Variants in IGF2BP2 observed in about 807,000 individuals in gnomAD.
The protein encoded by IGF2BP2 is insulin like growth factor 2 mRNA binding protein 2.
In IGF2BP2, 17 loss-of-function variants were observed where a neutral mutation model predicts 75.8. The ratio of observed to expected loss-of-function variants is 0.22; its 90% CI spans 0.15 to 0.34. The LOEUF (loss-of-function observed/expected upper bound fraction) is 0.34. IGF2BP2 is among the 10% of genes least tolerant of loss of function. The pLI is 1.00. For synonymous variants in IGF2BP2, 288 were observed against 295.6 expected, an observed-to-expected ratio of 0.97 and a Z score of 0.26; for missense variants, 516 against 772.4, an observed-to-expected ratio of 0.67 and a Z score of 3.93.
At position 185,697,783 on chromosome 3, in the gene IGF2BP2, G is replaced by A. The variant is rs539480631; in HGVS notation, c.288+516C>T. 1.6e-4 allele frequency among the ~76,000 whole-genome samples: 24 copies of A among 152,128 alleles called. No homozygotes were observed. The South Asian group carries it at 3.7e-3, about 24-fold the overall frequency. Reference sequence around the variant, plus strand: ...GTGGATTGCTTGAACCTAAGAGTTCGAGGCCAGCCTGGACAACATAGCAAA... The same window carrying A: ...GTGGATTGCTTGAACCTAAGAGTTCAAGGCCAGCCTGGACAACATAGCAAA... On this transcript the variant is annotated intron_variant, in intron 3 of 15. Coordinates refer to ENST00000382199, the MANE Select transcript of IGF2BP2 (RefSeq NM_006548.6).
At chr3:185,658,435 G>T in intron 10 of IGF2BP2, 26 bp from the exon 11 acceptor site, 1 of 1,604,354 alleles carries the variant, frequency 6.2e-7, no homozygotes, top group Non-Finnish European at 8.5e-7. Context: ...AAGAGTCAGT[G>T]GGCGGGTGCT....
chr3:185,701,384 G>C (rs1011074070), intron 2 of IGF2BP2, among the ~76,000 whole-genome samples: 3 of 124,530 alleles, frequency 2.4e-5, no homozygotes, highest in Admixed American at 7.8e-5. Flanking sequence ...AAAAAAAAAA[G>C]AAAGAAAGAA....
At chr3:185,735,737 C>G (rs1317480721) in intron 2 of IGF2BP2, among the ~76,000 whole-genome samples, 2 of 152,192 alleles carry the variant, frequency 1.3e-5, no homozygotes, top group East Asian at 3.8e-4. Flanking sequence ...ATCTCCTAAT[C>G]CCACATCCAT....
chr3:185,778,997 C>T (rs796872500), intron 2 of IGF2BP2, among the ~76,000 whole-genome samples: 51 of 152,182 alleles, frequency 3.4e-4, no homozygotes, highest in African/African-American at 1.2e-3. Flanking sequence ...ATGGTGTATG[C>T]CGCTCTATGG....
At chr3:185,770,490 C>T (rs1578246789) in intron 2 of IGF2BP2, among the ~76,000 whole-genome samples, 1 of 152,286 alleles carries the variant, frequency 6.6e-6, no homozygotes, top group African/African-American at 2.4e-5. Flanking sequence ...TTGGTTATGA[C>T]CCCATAGGCC....
At position 185,643,779 on chromosome 3, in the gene IGF2BP2, C is replaced by CTTTTTTTTTTTTTTTTTTTTTTTT. The variant is rs933340628; in HGVS notation, c.*1751_*1752insAAAAAAAAAAAAAAAAAAAAAAAA. 3.6e-5 allele frequency: 4 copies of CTTTTTTTTTTTTTTTTTTTTTTTT among 111,968 alleles called. No homozygotes were observed. Among genetic ancestry groups the CTTTTTTTTTTTTTTTTTTTTTTTT allele is most frequent in the Non-Finnish European group, 5.3e-5 (3 of 56,612 alleles). 6.9% of individuals were successfully genotyped at this position (111,968 alleles called of 1,614,324 possible). ...ATATTTCTGTTTTTTCTTTTTTTTTCTTTTTTTTTTTTTTTTTTTTGTCAC... is the reference window on the plus strand; with the variant it reads ...ATATTTCTGTTTTTTCTTTTTTTTTCTTTTTTTTTTTTTTTTTTTTTTTTTTTTTTTTTTTTTTTTTTTTGTCAC... On this transcript the variant is annotated 3_prime_UTR_variant, in exon 16 of 16. Coordinates refer to ENST00000382199, the MANE Select transcript of IGF2BP2 (RefSeq NM_006548.6).
rs1361485357 is a variant in IGF2BP2 at position 185,659,226 on chromosome 3, T to C, written c.1201-817A>G. On this transcript the variant is annotated intron_variant, in intron 10 of 15. Transcript: ENST00000382199. Reference sequence around the variant, plus strand: ...GCGACAGAGCAAGGCCCTGTCTCCATAAGAAAAAAAAAAGAGAGAGAGTGA... The same window carrying C: ...GCGACAGAGCAAGGCCCTGTCTCCACAAGAAAAAAAAAAGAGAGAGAGTGA... Among the ~76,000 whole-genome samples, 5 of 136,610 alleles carry C rather than the reference T, an allele frequency of 3.7e-5. No individual in the cohort carries two copies. The East Asian group carries it at 1.1e-3, about 29-fold the overall frequency. The allele number at this position is 136,610 out of a possible 152,430, so 89.6% of individuals were successfully genotyped here.
At chr3:185,800,573 C>T (rs1738076271) in intron 2 of IGF2BP2, among the ~76,000 whole-genome samples, 1 of 151,936 alleles carries the variant, frequency 6.6e-6, no homozygotes, top group South Asian at 2.1e-4. Flanking sequence ...CCCATCTTTA[C>T]CAAAAATACA....
At chr3:185,764,812 C>T (rs1732831121) in intron 2 of IGF2BP2, among the ~76,000 whole-genome samples, 1 of 152,160 alleles carries the variant, frequency 6.6e-6, no homozygotes, top group Admixed American at 6.5e-5. Context: ...GTGTCAAAAT[C>T]CCCTGACAGG....
chr3:185,760,681 A>G (rs952711078), intron 2 of IGF2BP2, among the ~76,000 whole-genome samples: 1 of 152,278 alleles, frequency 6.6e-6, no homozygotes, highest in East Asian at 1.9e-4. Flanking sequence ...TCCAACCCCC[A>G]GGTAAGGCAG....
intron 2 of IGF2BP2, among the ~76,000 whole-genome samples, chr3:185,822,939 A>G (rs1410151618): frequency 1.3e-5 from 2 of 152,022 alleles, no homozygotes; most frequent in Admixed American, 6.6e-5. Context: ...CCGACCCCCA[A>G]TTAGGCACCA....
At chr3:185,755,604 A>G (rs1340243710) in intron 2 of IGF2BP2, among the ~76,000 whole-genome samples, 1 of 152,218 alleles carries the variant, frequency 6.6e-6, no homozygotes, top group Non-Finnish European at 1.5e-5. Flanking sequence ...GGAAGCCACG[A>G]GGGCAGGGCT....
At chr3:185,700,616 T>G (rs1723158754) in intron 2 of IGF2BP2, among the ~76,000 whole-genome samples, 1 of 152,184 alleles carries the variant, frequency 6.6e-6, no homozygotes, top group Non-Finnish European at 1.5e-5. Context: ...ATCAGAATTC[T>G]CAAGAAAATA....
intron 2 of IGF2BP2, among the ~76,000 whole-genome samples, chr3:185,740,418 AC>A (rs1729393764): frequency 6.6e-6 from 1 of 152,296 alleles, no homozygotes; most frequent in East Asian, 1.9e-4. Flanking sequence ...TCTAATACAG[AC>A]CAGTACTATT....
intron 9 of IGF2BP2, chr3:185,675,004 CTTTT>C (rs1447906555): frequency 5.6e-5 from 9 of 159,720 alleles, no homozygotes; most frequent in African/African-American, 1.3e-4. Context: ...GTTATTCTTG[CTTTT>C]CTTTTTTTTT....
At chr3:185,807,026 T>C (rs146424602) in intron 2 of IGF2BP2, among the ~76,000 whole-genome samples, 1 of 152,228 alleles carries the variant, frequency 6.6e-6, no homozygotes, top group Non-Finnish European at 1.5e-5. Context: ...CTAACCACAG[T>C]ATGGCACAAT....
At chr3:185,677,062 TATATATAG>T (rs1157775790) in intron 7 of IGF2BP2, among the ~76,000 whole-genome samples, 1,002 of 50,282 alleles carry the variant, frequency 0.02, 15 homozygotes, top group Middle Eastern at 0.038. Context: ...TATATATATA[TATATATAG>T]AGAGAGAGAG....
At chr3:185,659,821 TGTTTCACTC>T (rs1307115657) in intron 10 of IGF2BP2, among the ~76,000 whole-genome samples, 2 of 150,368 alleles carry the variant, frequency 1.3e-5, no homozygotes, top group Non-Finnish European at 3.0e-5. Flanking sequence ...TTTGAGATGG[TGTTTCACTC>T]GTTGACTAGG....
chr3:185,703,566 T>TC (rs1247101555), intron 2 of IGF2BP2, among the ~76,000 whole-genome samples: 1 of 152,044 alleles, frequency 6.6e-6, no homozygotes, highest in Non-Finnish European at 1.5e-5. Flanking sequence ...GGTCAGGAGT[T>TC]CGAGACCAGC....
Sources: allele counts gnomAD v4.1 joint callset (sites outside exome capture counted in the v4.1 genomes callset), GRCh38; gene constraint gnomAD v4.1.1; transcripts MANE v1.5; gene names NCBI Gene and HGNC (gene_info 2026-07-23, HGNC 2026-07-21).